The following LAMA4 variants were observed in gnomAD, a reference collection of about 807,000 sequenced individuals.
LAMA4 encodes laminin subunit alpha-4.
LAMA4 carries 127 observed loss-of-function variants against 207.1 expected under a neutral mutation model. The ratio of observed to expected loss-of-function variants is 0.61; its 90% confidence interval spans 0.53 to 0.71. LAMA4 has a LOEUF of 0.71. LAMA4 is among the 30% of genes least tolerant of loss of function. The pLI is 0.00. For missense variants in LAMA4, 2,093 were observed against 2,246.5 expected (o/e 0.93, Z 1.38); for synonymous variants, 761 against 816.0 (o/e 0.93, Z 1.15).
intron 2 of LAMA4, among the ~76,000 whole-genome samples, chr6:112,222,677 G>T (rs753015183): frequency 3.3e-5 from 5 of 152,162 alleles, no homozygotes; most frequent in Admixed American, 6.5e-5. Flanking sequence ...TTCATGGGTG[G>T]AAACCAGTGC....
intron 31 of LAMA4, among the ~76,000 whole-genome samples, chr6:112,124,489 G>T (rs1778561050): frequency 6.6e-6 from 1 of 152,108 alleles, no homozygotes; most frequent in South Asian, 2.1e-4. Flanking sequence ...TGATAAAATA[G>T]CCAAGTTATA....
At chr6:112,181,896 A>AGACCAACCT (rs1554345363) in intron 9 of LAMA4, among the ~76,000 whole-genome samples, 1 of 152,056 alleles carries the variant, frequency 6.6e-6, no homozygotes, top group Non-Finnish European at 1.5e-5. Flanking sequence ...CAGGAATTTG[A>AGACCAACCT]GACCAACCTG....
intron 32 of LAMA4, 58 bp from the exon 33 acceptor site, chr6:112,120,530 A>G: frequency 7.7e-7 from 1 of 1,306,634 alleles, no homozygotes. Flanking sequence ...GATAATCTCT[A>G]ACTTCTTAAA....
Position 112,153,415 on chromosome 6 carries a change from A to T in LAMA4, c.2056+1436T>A, listed in dbSNP as rs114092893. Among the ~76,000 whole-genome samples, 1,409 of 152,264 alleles carry T rather than the reference A, an allele frequency of 9.3e-3. 19 individuals are homozygous for T. Among genetic ancestry groups the T allele is most frequent in the African/African-American group, 0.033 (1,352 of 41,580 alleles). ...GAAAGGGATTTGGCCAAATGAGATC[A>T]TGAAATAGGTGAACAGGTCTGCAAA... On this transcript the variant is annotated intron_variant, in intron 16 of 38. Transcript: ENST00000230538.
intron 8 of LAMA4, chr6:112,187,013 G>T: frequency 2.5e-6 from 1 of 405,610 alleles, no homozygotes; most frequent in South Asian, 1.8e-5. Context: ...TGGGTGGTGG[G>T]GTGAGGAGAG....
chr6:112,221,102 C>A lies in LAMA4; in HGVS notation c.196-4633G>T, dbSNP rs7756767. On this transcript the variant is annotated intron_variant, in intron 2 of 38. Transcript: ENST00000230538. ...TTTAAACAAACCAACAATGGCAAAA[C>A]TTGATGGGATTTAGGAAGAGTTTGA... 8.6e-3 allele frequency among the ~76,000 whole-genome samples: 1,303 copies of A among 152,214 alleles called. 26 individuals carry two copies. The highest frequency in any genetic ancestry group is 0.029 in the African/African-American group (1,213 of 41,556).
At chr6:112,210,562 C>A (rs185350560) in intron 3 of LAMA4, among the ~76,000 whole-genome samples, 5 of 152,286 alleles carry the variant, frequency 3.3e-5, no homozygotes, top group African/African-American at 1.2e-4. Context: ...TCAAAAGAAT[C>A]TGGTTAGCCT....
At chr6:112,170,710 A>G (rs1325792120) in intron 12 of LAMA4, among the ~76,000 whole-genome samples, 2 of 152,212 alleles carry the variant, frequency 1.3e-5, no homozygotes, top group Admixed American at 6.5e-5. Context: ...GATAAAGAAG[A>G]CAGATTCCCT....
At chr6:112,149,546 TTCTC>T (rs1347292646) in intron 17 of LAMA4, among the ~76,000 whole-genome samples, 1 of 152,186 alleles carries the variant, frequency 6.6e-6, no homozygotes, top group Non-Finnish European at 1.5e-5. Flanking sequence ...TCAGCAATCA[TTCTC>T]TCTCCTGTCA....
At chr6:112,130,514 A>T (rs1312321618) in intron 29 of LAMA4, among the ~76,000 whole-genome samples, 3 of 152,024 alleles carry the variant, frequency 2.0e-5, no homozygotes, top group Admixed American at 2.0e-4. Context: ...TTCATTTCTT[A>T]TTCCAGAAAA....
rs150069699 is a variant in LAMA4, at chr6:112,150,577, C to T, written c.2107G>A (p.Ala703Thr). Residue 703 changes from alanine (A) to threonine (T), a missense_variant, in exon 17 of 39, where the codon GCA (alanine) becomes ACA (threonine). Transcript: ENST00000230538. ...CTGGTTTTAAGGGCACTTTTCCTTG[C>T]TAGGGCTCCACCCACACGCCTGCTA... is the stretch of plus-strand genomic sequence containing the variant. ...DTSRRVGGAL[A>T]RKSALKTRLS... The T allele has an allele frequency of 2.5e-6, 4 of 1,614,044 alleles. No homozygotes were observed. Among genetic ancestry groups the T allele is most frequent in the Non-Finnish European group, 3.4e-6 (4 of 1,179,974 alleles).
chr6:112,148,623 T>A (rs1019211978), intron 17 of LAMA4, among the ~76,000 whole-genome samples: 1 of 152,182 alleles, frequency 6.6e-6, no homozygotes, highest in Non-Finnish European at 1.5e-5. Flanking sequence ...ATTGCAAATA[T>A]CACTGTCTTT....
intron 12 of LAMA4, among the ~76,000 whole-genome samples, chr6:112,167,173 TAACTGA>T (rs1781429366): frequency 2.0e-5 from 3 of 152,234 alleles, no homozygotes; most frequent in African/African-American, 7.2e-5. Context: ...TTTTGTATGA[TAACTGA>T]AATTTGGGGA....
chr6:112,192,050 G>T (rs1453195314), intron 5 of LAMA4, among the ~76,000 whole-genome samples, 200 bp from the exon 6 acceptor site: 6 of 152,160 alleles, frequency 3.9e-5, no homozygotes, highest in Admixed American at 6.5e-5. Context: ...TAGATCATTT[G>T]GTTCACTTCA....
intron 2 of LAMA4, among the ~76,000 whole-genome samples, chr6:112,240,495 T>G (rs1786331385): frequency 6.6e-6 from 1 of 152,214 alleles, no homozygotes; most frequent in South Asian, 2.1e-4. Context: ...GTCTTACTCA[T>G]GCTTTCTATT....
At chr6:112,225,191 C>T (rs1283652498) in intron 2 of LAMA4, among the ~76,000 whole-genome samples, 3 of 152,028 alleles carry the variant, frequency 2.0e-5, no homozygotes, top group African/African-American at 4.8e-5. Context: ...GTTTTTTATG[C>T]CACCCCCTTG....
At chr6:112,195,546 T>C (rs1783365097) in intron 5 of LAMA4, among the ~76,000 whole-genome samples, 1 of 152,226 alleles carries the variant, frequency 6.6e-6, no homozygotes. Flanking sequence ...AAGGCCATCA[T>C]TGAAATCATT....
At chr6:112,253,614 G>T in intron 2 of LAMA4, 1 of 857,728 alleles carries the variant, frequency 1.2e-6, no homozygotes, top group Non-Finnish European at 1.9e-6. Context: ...TAAGTGCCGT[G>T]GCTTGACAAA....
chr6:112,208,533 T>A (rs1784195796), intron 3 of LAMA4, among the ~76,000 whole-genome samples: 1 of 152,082 alleles, frequency 6.6e-6, no homozygotes, highest in South Asian at 2.1e-4. Flanking sequence ...ACACGGATAG[T>A]AGGTGTCAAA....
Sources: gnomAD v4.1 joint callset for allele counts (sites outside exome capture counted in the v4.1 genomes callset) on GRCh38, gnomAD v4.1.1 for gene constraint, MANE v1.5 for transcripts, NCBI Gene and HGNC (gene_info 2026-07-23, HGNC 2026-07-21) for gene names.